The following TRPC5 variants were observed in gnomAD, a reference collection of about 807,000 sequenced individuals.
TRPC5 encodes transient receptor potential cation channel subfamily C member 5.
In TRPC5, 9 loss-of-function variants were observed where a neutral mutation model predicts 56.5. The ratio of observed to expected loss-of-function variants is 0.16; its 90% CI spans 0.10 to 0.28. TRPC5 has a LOEUF of 0.28. Among genes scored for constraint, TRPC5 ranks in the 10% least tolerant of loss-of-function variants. The pLI, the probability that TRPC5 is intolerant of heterozygous loss-of-function variation, is 1.00. For missense variants in TRPC5, 469 were observed against 748.9 expected (o/e 0.63, Z 4.36); for synonymous variants, 282 against 278.5 (o/e 1.01, Z -0.13).
chrX:111,818,282 A>G (rs910249005), intron 7 of TRPC5, among the ~76,000 whole-genome samples: 1 of 111,968 alleles, frequency 8.9e-6, no homozygotes, highest in Non-Finnish European at 1.9e-5. Context: ...TACCTTCTCA[A>G]AGAGACCTTC....
rs975720001 is a variant in TRPC5, at chrX:111,819,410, C to T, written c.1896+15511G>A. 8.1e-5 allele frequency among the ~76,000 whole-genome samples: 9 copies of T among 111,620 alleles called. No homozygotes were observed. In the East Asian group the frequency reaches 1.7e-3, roughly 21 times the overall value. On this transcript the variant is annotated intron_variant, in intron 7 of 10. Transcript: ENST00000262839. ...CCCACTGAACTGCTTGTCACCTTTA[C>T]TGGGCAACTCCAGAGATGTAAATCC...
At chrX:111,969,830 C>G (rs1927731011) in intron 1 of TRPC5, among the ~76,000 whole-genome samples, 3 of 110,773 alleles carry the variant, frequency 2.7e-5, no homozygotes, top group South Asian at 7.7e-4. Context: ...GTGACTTGAT[C>G]TTATAGGCAT....
In TRPC5 at chrX:112,015,340, A is replaced by C. The variant is rs113706372; in HGVS notation, c.-21-62899T>G. Among the ~76,000 whole-genome samples the C allele has an allele frequency of 6.3e-3, 703 of 111,134 alleles. 5 individuals are homozygous for C. Among genetic ancestry groups the C allele is most frequent in the African/African-American group, 0.022 (657 of 30,524 alleles). On this transcript the variant is annotated intron_variant, in intron 1 of 10. Coordinates refer to ENST00000262839, the MANE Select transcript of TRPC5 (RefSeq NM_012471.3). Reference sequence around the variant, plus strand: ...ATCATGCAGATTTTCCCCCTCTCAGAGTTTCTGATTCAGTAGGGCTGGTGT... The same window carrying C: ...ATCATGCAGATTTTCCCCCTCTCAGCGTTTCTGATTCAGTAGGGCTGGTGT...
At chrX:111,920,281 A>G (rs919165490) in intron 2 of TRPC5, among the ~76,000 whole-genome samples, 2 of 111,001 alleles carry the variant, frequency 1.8e-5, no homozygotes, top group African/African-American at 3.3e-5. Context: ...TCTCAACAAA[A>G]CAACAAAAAA....
In TRPC5 at chrX:111,827,144, T is replaced by G. The variant is rs1306159457; in HGVS notation, c.1896+7777A>C. Among the ~76,000 whole-genome samples, 3 of 111,598 alleles carry G rather than the reference T, an allele frequency of 2.7e-5. No homozygotes were observed. The Admixed American group carries it at 2.9e-4, about 11-fold the overall frequency. Reference sequence around the variant, plus strand: ...AATATAGTATTATAATATAGCACATTGTCTTGATTTTTCTCCCATCCCTCT... The same window carrying G: ...AATATAGTATTATAATATAGCACATGGTCTTGATTTTTCTCCCATCCCTCT... On this transcript the variant is annotated intron_variant, in intron 7 of 10. Coordinates refer to ENST00000262839, the MANE Select transcript of TRPC5 (RefSeq NM_012471.3).
intron 7 of TRPC5, among the ~76,000 whole-genome samples, chrX:111,801,638 C>T (rs1483100779): frequency 4.5e-5 from 5 of 111,796 alleles, no homozygotes; most frequent in Admixed American, 1.9e-4. Flanking sequence ...TTTCTTAATG[C>T]CGAATGATGT....
chrX:111,863,533 T>C (rs7877021), intron 3 of TRPC5, among the ~76,000 whole-genome samples: 11,027 of 111,835 alleles, frequency 0.099, 1,272 homozygotes, highest in African/African-American at 0.33. Context: ...GGATTTTCTC[T>C]GTACAAGGTC....
At chrX:111,970,708 G>T (rs1472544842) in intron 1 of TRPC5, among the ~76,000 whole-genome samples, 1 of 110,638 alleles carries the variant, frequency 9.0e-6, no homozygotes, top group African/African-American at 3.3e-5. Flanking sequence ...TGGGAATTAG[G>T]AGACGTGGAT....
chrX:112,020,685 G>A (rs967449081), intron 1 of TRPC5, among the ~76,000 whole-genome samples: 10 of 111,676 alleles, frequency 9.0e-5, no homozygotes, highest in Admixed American at 4.8e-4. Context: ...GACCGTCAAT[G>A]ATCATATCTG....
intron 1 of TRPC5, among the ~76,000 whole-genome samples, chrX:111,968,301 C>T (rs1165048041): frequency 9.0e-6 from 1 of 111,100 alleles, no homozygotes; most frequent in Non-Finnish European, 1.9e-5. Flanking sequence ...GTTAGAATGG[C>T]AATCATTAAA....
At chrX:111,925,447 C>T (rs1293261019) in intron 2 of TRPC5, among the ~76,000 whole-genome samples, 1 of 112,493 alleles carries the variant, frequency 8.9e-6, no homozygotes, top group Admixed American at 9.4e-5. Flanking sequence ...CTTTTGAGAA[C>T]ATCTTTACCC....
At chrX:111,988,886 T>C (rs1225068872) in intron 1 of TRPC5, among the ~76,000 whole-genome samples, 1 of 111,789 alleles carries the variant, frequency 8.9e-6, no homozygotes, top group African/African-American at 3.2e-5. Flanking sequence ...AAAAATTTTA[T>C]TGAGGAAATG....
chrX:111,802,857 T>G (rs907224582), intron 7 of TRPC5, among the ~76,000 whole-genome samples: 1 of 111,529 alleles, frequency 9.0e-6, no homozygotes, highest in Non-Finnish European at 1.9e-5. Context: ...TATTTATTCA[T>G]TTATTTATGT....
intron 3 of TRPC5, chrX:111,902,960 G>A (rs1413545280): frequency 2.7e-5 from 3 of 111,740 alleles, no homozygotes; most frequent in Admixed American, 9.5e-5. Context: ...AGCCCTACAA[G>A]GACTATTCAC....
chrX:112,076,986 T>G (rs753226322), intron 1 of TRPC5, among the ~76,000 whole-genome samples: 120 of 112,453 alleles, frequency 1.1e-3, no homozygotes, highest in Non-Finnish European at 2.1e-3. Flanking sequence ...CAAACTAAAA[T>G]TATTAGCCAA....
chrX:112,035,188 T>A lies in TRPC5; in HGVS notation c.-22+46691A>T, dbSNP rs1929702343. Reference sequence around the variant, plus strand: ...TCCCCACAATCCCATGAATGGGTCATACTTACCTGTTTCTCTGTATGCTTC... The same window carrying A: ...TCCCCACAATCCCATGAATGGGTCAAACTTACCTGTTTCTCTGTATGCTTC... On this transcript the variant is annotated intron_variant, in intron 1 of 10. Transcript: ENST00000262839. Among the ~76,000 whole-genome samples the A allele has an allele frequency of 2.7e-5, 3 of 109,462 alleles. No homozygotes were observed. In the South Asian group the frequency reaches 1.2e-3, roughly 44 times the overall value.
rs907517096 is a variant in TRPC5 at position 111,902,203 on chromosome X, C to T, written c.900+10088G>A. Reference sequence around the variant, plus strand: ...GTGACTAAGACCCAATTTCTGCCCCCGTCCCCAGGGATGTGAAAACTGATC... The same window carrying T: ...GTGACTAAGACCCAATTTCTGCCCCTGTCCCCAGGGATGTGAAAACTGATC... On this transcript the variant is annotated intron_variant, in intron 3 of 10. Transcript: ENST00000262839. 2.5e-5 allele frequency: 26 copies of T among 1,021,332 alleles called. No individual in the cohort carries two copies. The African/African-American group carries it at 4.6e-4, about 18-fold the overall frequency. The allele number at this position is 1,021,332 out of a possible 1,213,427, so 84.2% of individuals were successfully genotyped here.
At chrX:112,021,956 A>G (rs1929282726) in intron 1 of TRPC5, among the ~76,000 whole-genome samples, 1 of 112,408 alleles carries the variant, frequency 8.9e-6, no homozygotes, top group South Asian at 3.7e-4. Flanking sequence ...TACCTTTTAC[A>G]GAATTGTTGT....
chrX:111,846,569 G>A (rs1015914008), intron 6 of TRPC5, among the ~76,000 whole-genome samples: 5 of 111,187 alleles, frequency 4.5e-5, no homozygotes, highest in African/African-American at 1.3e-4. Context: ...GGTGACACTT[G>A]GCCCACCTGA....
Sources: allele counts gnomAD v4.1 joint callset (sites outside exome capture counted in the v4.1 genomes callset), GRCh38; gene constraint gnomAD v4.1.1; transcripts MANE v1.5; gene names NCBI Gene and HGNC (gene_info 2026-07-23, HGNC 2026-07-21).